The following PDIA5 variants were observed in gnomAD, a reference collection of about 807,000 sequenced individuals.
PDIA5 encodes protein disulfide isomerase family A member 5, also known as protein disulfide-isomerase A5.
In PDIA5, 58 loss-of-function variants were observed where a neutral mutation model predicts 77.6. The ratio of observed to expected loss-of-function variants is 0.75; its 90% confidence interval spans 0.61 to 0.93. PDIA5 has a LOEUF of 0.93. PDIA5 is among the 40% of genes least tolerant of loss of function. The pLI, the probability that PDIA5 is intolerant of heterozygous loss-of-function variation, is 0.00. For synonymous variants in PDIA5, 250 were observed against 252.1 expected (o/e 0.99, Z 0.08); for missense variants, 630 against 647.7 (o/e 0.97, Z 0.30).
chr3:123,086,815 A>C (rs984466532), intron 1 of PDIA5, among the ~76,000 whole-genome samples: 2 of 152,100 alleles, frequency 1.3e-5, no homozygotes, highest in Non-Finnish European at 2.9e-5. Flanking sequence ...TATCTTTCTG[A>C]GAAAGGGTGC....
chr3:123,088,975 A>G (rs1411644191), intron 1 of PDIA5, 193 bp from the exon 2 acceptor site: 2 of 514,356 alleles, frequency 3.9e-6, no homozygotes, highest in African/African-American at 3.8e-5. Flanking sequence ...AAGTGCCTGG[A>G]GGGGAAGGGA....
chr3:123,145,200 G>A lies in PDIA5; in HGVS notation c.911-322G>A, dbSNP rs145149097. The stretch of plus-strand genomic sequence containing the variant: ...CACCTGCCCTCTTGGTGCCTCAATT[G>A]TCTAATCCATAGAATGGAGATAATG... On this transcript the variant is annotated intron_variant, in intron 11 of 16. Coordinates refer to ENST00000316218, the MANE Select transcript of PDIA5 (RefSeq NM_006810.4). The A allele has an allele frequency of 2.3e-3, 611 of 265,658 alleles. 5 individuals are homozygous for A. The highest frequency in any genetic ancestry group is 0.012 in the African/African-American group (554 of 44,584). 16.5% of individuals were successfully genotyped at this position (265,658 alleles called of 1,614,324 possible).
intron 1 of PDIA5, among the ~76,000 whole-genome samples, chr3:123,069,067 TCTC>T (rs1481563468): frequency 6.6e-6 from 1 of 152,138 alleles, no homozygotes; most frequent in African/African-American, 2.4e-5. Flanking sequence ...ATTTCTATCT[TCTC>T]CTTTCCCTAA....
chr3:123,145,240 G>T, intron 11 of PDIA5: 1 of 372,376 alleles, frequency 2.7e-6, no homozygotes, highest in Non-Finnish European at 4.8e-6. Flanking sequence ...TTCCTACTTT[G>T]TGGGGTAGTT....
At chr3:123,159,365 C>T (rs973501482) in intron 15 of PDIA5, among the ~76,000 whole-genome samples, 3 of 152,048 alleles carry the variant, frequency 2.0e-5, no homozygotes, top group South Asian at 2.1e-4. Flanking sequence ...TAATAAAGTG[C>T]GTTAGAGGTG....
chr3:123,089,148 G>A lies in PDIA5; in HGVS notation c.43-20G>A, dbSNP rs836860. 0.59 allele frequency: 941,219 copies of A among 1,607,414 alleles called. 281,907 individuals carry two copies. Among genetic ancestry groups the A allele is most frequent in the Middle Eastern group, 0.65 (3,874 of 5,984 alleles). ...CAGCCAGAAGCTGGAACTCACAGTC[G>A]TTGGCTCCTTGATCCCCAGGTGGTC... On this transcript the variant is annotated intron_variant, in intron 1 of 16. Coordinates refer to ENST00000316218, the MANE Select transcript of PDIA5 (RefSeq NM_006810.4).
At chr3:123,146,612 T>G (rs1935778728) in intron 13 of PDIA5, among the ~76,000 whole-genome samples, 1 of 152,180 alleles carries the variant, frequency 6.6e-6, no homozygotes, top group African/African-American at 2.4e-5. Flanking sequence ...CTAGACTCAT[T>G]TCGTCCAGGT....
chr3:123,161,303 CT>C lies in PDIA5; in HGVS notation c.1345-15del. Reference sequence around the variant, plus strand: ...CCTGGGGACACCCTGTGCCAACTCTCTTTACCTTGGCTCCTAGATTGCCTGT... The same window carrying C: ...CCTGGGGACACCCTGTGCCAACTCTCTTACCTTGGCTCCTAGATTGCCTGT... On this transcript the variant is annotated splice_polypyrimidine_tract_variant and intron_variant, in intron 15 of 16. Transcript: ENST00000316218. 1.2e-6 allele frequency: 2 copies of C among 1,612,178 alleles called. No individual in the cohort carries two copies. The highest frequency in any genetic ancestry group is 1.1e-5 in the South Asian group (1 of 90,772).
chr3:123,104,213 G>C (rs368921200), intron 5 of PDIA5, among the ~76,000 whole-genome samples: 34 of 152,134 alleles, frequency 2.2e-4, no homozygotes, highest in African/African-American at 8.0e-4. Context: ...GCTGAGCATC[G>C]TACGGGGCCA....
chr3:123,152,705 C>T (rs1935940317), intron 14 of PDIA5, among the ~76,000 whole-genome samples: 1 of 152,146 alleles, frequency 6.6e-6, no homozygotes, highest in Admixed American at 6.5e-5. Context: ...ATCTTACCTC[C>T]CCTCACATCT....
Position 123,140,605 on chromosome 3 carries a change from A to G in PDIA5, c.911-4917A>G, listed in dbSNP as rs113489918. ...CCAGGGTGGATGTTGCCTATCCATC[A>G]GAGCAGGGGCTGGGAGGAAGAGGTG... On this transcript the variant is annotated intron_variant, in intron 11 of 16. Transcript: ENST00000316218. Among the ~76,000 whole-genome samples the G allele has an allele frequency of 2.8e-3, 297 of 107,148 alleles. 1 individual carries two copies. Among genetic ancestry groups the G allele is most frequent in the African/African-American group, 0.013 (273 of 21,392 alleles). The allele number at this position is 107,148 out of a possible 152,430, so 70.3% of individuals were successfully genotyped here. A position where few individuals can be genotyped will look rare whatever the true frequency, so the allele number is the denominator to read the frequency against.
chr3:123,154,370 G>T (rs1268662162), intron 14 of PDIA5, among the ~76,000 whole-genome samples: 2 of 152,146 alleles, frequency 1.3e-5, no homozygotes, highest in Non-Finnish European at 2.9e-5. Context: ...TGGCTTTGAG[G>T]TTCTGGTTAT....
chr3:123,075,140 G>A (rs1933820333), intron 1 of PDIA5, among the ~76,000 whole-genome samples: 1 of 152,210 alleles, frequency 6.6e-6, no homozygotes, highest in South Asian at 2.1e-4. Context: ...TTATTAGCGA[G>A]TTAAGTAAAA....
chr3:123,114,433 A>G (rs1422727848), intron 7 of PDIA5, among the ~76,000 whole-genome samples: 2 of 152,116 alleles, frequency 1.3e-5, no homozygotes, highest in African/African-American at 4.8e-5. Context: ...GGCTCTATCT[A>G]ACACCTGCAG....
chr3:123,069,197 A>G (rs1427899651), intron 1 of PDIA5, among the ~76,000 whole-genome samples: 1 of 152,154 alleles, frequency 6.6e-6, no homozygotes, highest in African/African-American at 2.4e-5. Flanking sequence ...TATCTATCTG[A>G]TAAGTGCTCC....
chr3:123,112,534 CTTTT>C (rs55977938), intron 7 of PDIA5, among the ~76,000 whole-genome samples: 2 of 61,452 alleles, frequency 3.3e-5, no homozygotes, highest in African/African-American at 6.9e-5. Flanking sequence ...CAGCCCTATT[CTTTT>C]TTTTTTTTTT....
At chr3:123,122,325 C>T (rs9817141) in intron 8 of PDIA5, among the ~76,000 whole-genome samples, 12,626 of 152,092 alleles carry the variant, frequency 0.083, 658 homozygotes, top group Non-Finnish European at 0.12. Flanking sequence ...TGGAACAGGC[C>T]GCTGGAGCAG....
In PDIA5 at chr3:123,143,962, A is replaced by G. The variant is rs532636445; in HGVS notation, c.911-1560A>G. ...CAGTTTGGTTTTCTGTTATCAGTTA[A>G]GTGGGGAGTAGCCACTCCGGGGTCC... On this transcript the variant is annotated intron_variant, in intron 11 of 16. Coordinates refer to ENST00000316218, the MANE Select transcript of PDIA5 (RefSeq NM_006810.4). Among the ~76,000 whole-genome samples the G allele has an allele frequency of 2.0e-5, 3 of 152,282 alleles. No homozygotes were observed. The East Asian group carries it at 5.8e-4, about 29-fold the overall frequency.
intron 4 of PDIA5, 56 bp downstream of exon 4, chr3:123,102,550 T>C: frequency 7.7e-7 from 1 of 1,299,518 alleles, no homozygotes; most frequent in Non-Finnish European, 1.1e-6. Context: ...CTTTCATTGG[T>C]ATTTTCAGCG....
Sources: allele counts gnomAD v4.1 joint callset (sites outside exome capture counted in the v4.1 genomes callset), GRCh38; gene constraint gnomAD v4.1.1; transcripts MANE v1.5; gene names NCBI Gene and HGNC (gene_info 2026-07-23, HGNC 2026-07-21).